The following TPST2 variants were observed in gnomAD, a reference collection of about 807,000 sequenced individuals.
TPST2 encodes tyrosylprotein sulfotransferase 2.
A neutral mutation model predicts 27.8 loss-of-function variants in TPST2; 16 were observed. The ratio of observed to expected loss-of-function variants is 0.58; its 90% CI spans 0.39 to 0.88. The LOEUF (loss-of-function observed/expected upper bound fraction) is 0.88. TPST2 is among the 40% of genes least tolerant of loss of function. TPST2 has a pLI of 0.00. For synonymous variants in TPST2, 229 were observed against 231.7 expected (o/e 0.99, Z 0.10); for missense variants, 464 against 543.1 (o/e 0.85, Z 1.45).
intron 1 of TPST2, among the ~76,000 whole-genome samples, chr22:26,580,851 G>T (rs577925373): frequency 6.6e-6 from 1 of 152,188 alleles, no homozygotes; most frequent in Non-Finnish European, 1.5e-5. Context: ...TCAGAGGGTG[G>T]GGAGGAAGAC....
At position 26,541,316 on chromosome 22, in the gene TPST2, G is replaced by A. The variant is rs146078388; in HGVS notation, c.315C>T (p.Arg105=). 479 of 1,545,432 alleles carry A rather than the reference G, an allele frequency of 3.1e-4. 1 individual carries two copies. Among genetic ancestry groups the A allele is most frequent in the Admixed American group, 7.7e-5 (4 of 52,010 alleles). Residue 105 remains arginine (R), a synonymous_variant, in exon 3 of 7, where the codon CGC becomes CGT. Transcript: ENST00000338754. This position sits in a 1 kb window ranked among gnomAD's most constrained non-coding sequence, Gnocchi z 5.9. ...RCGEETRIIP[R]VLAMRQAWSK... Reference sequence around the variant, plus strand: ...ACCAGGCCTGGCGCATGGCCAGCACGCGCGGGATGATGCGGGTCTCCTCGC... The same window carrying A: ...ACCAGGCCTGGCGCATGGCCAGCACACGCGGGATGATGCGGGTCTCCTCGC...
chr22:26,544,573 T>G, intron 2 of TPST2, 31 bp downstream of exon 2: 5 of 984,646 alleles, frequency 5.1e-6, no homozygotes, highest in Non-Finnish European at 6.0e-6. Context: ...GGGCCAGGAC[T>G]CCAGGGGAAG....
At chr22:26,585,209 C>G (rs1928296060) in intron 1 of TPST2, among the ~76,000 whole-genome samples, 1 of 152,222 alleles carries the variant, frequency 6.6e-6, no homozygotes, top group African/African-American at 2.4e-5. Flanking sequence ...TGCCTGCTTT[C>G]TGGCTGCAGA....
intron 1 of TPST2, among the ~76,000 whole-genome samples, chr22:26,580,205 GCTT>G (rs1928043316): frequency 1.3e-5 from 2 of 152,154 alleles, no homozygotes; most frequent in Admixed American, 1.3e-4. Flanking sequence ...CTGCACTCCA[GCTT>G]GGGCAACAGA....
intron 1 of TPST2, among the ~76,000 whole-genome samples, chr22:26,588,343 C>T (rs1028586051): frequency 2.6e-5 from 4 of 152,090 alleles, no homozygotes; most frequent in Non-Finnish European, 5.9e-5. Flanking sequence ...CAGGCAAATT[C>T]ATAGAGAATT....
chr22:26,588,536 T>C (rs1928428913), intron 1 of TPST2, among the ~76,000 whole-genome samples: 1 of 152,184 alleles, frequency 6.6e-6, no homozygotes, highest in Non-Finnish European at 1.5e-5. Context: ...TTGTACGGCA[T>C]GTGAACTGTA....
chr22:26,566,897 C>T (rs1927403692), intron 1 of TPST2, among the ~76,000 whole-genome samples: 1 of 152,214 alleles, frequency 6.6e-6, no homozygotes, highest in African/African-American at 2.4e-5. Flanking sequence ...GCACTATAGA[C>T]ATTTGGACCA....
chr22:26,549,010 A>G (rs1926293997), intron 1 of TPST2, among the ~76,000 whole-genome samples: 1 of 152,206 alleles, frequency 6.6e-6, no homozygotes, highest in African/African-American at 2.4e-5. Flanking sequence ...TCTAGTCCCA[A>G]GAATTTCAGA....
At chr22:26,552,021 C>G (rs1376574742) in intron 1 of TPST2, among the ~76,000 whole-genome samples, 1 of 151,142 alleles carries the variant, frequency 6.6e-6, no homozygotes, top group Non-Finnish European at 1.5e-5. Context: ...TCCCAAGTAG[C>G]TAGTGCACCA....
At position 26,575,982 on chromosome 22, in the gene TPST2, C is replaced by T. The variant is rs868825384; in HGVS notation, c.-161+14071G>A. Among the ~76,000 whole-genome samples the T allele has an allele frequency of 8.6e-5, 13 of 151,052 alleles. No individual in the cohort carries two copies. The South Asian group carries it at 2.1e-3, about 24-fold the overall frequency. The stretch of plus-strand genomic sequence containing the variant: ...CCGCACTCCAGCCTGGGTGACAGAG[C>T]GAGACTCCATCTCAAAATAAATAAA... On this transcript the variant is annotated intron_variant, in intron 1 of 6. Coordinates refer to ENST00000338754, the MANE Select transcript of TPST2 (RefSeq NM_003595.5).
rs745797442 is a variant in TPST2 at position 26,540,824 on chromosome 22, G to A, written c.807C>T (p.Asp269=). The change falls in exon 3 of 7, where the codon GAC becomes GAT. Residue 269 remains aspartate, a synonymous_variant. Coordinates refer to ENST00000338754, the MANE Select transcript of TPST2 (RefSeq NM_003595.5). ...AGACACCACCGGGCTTGCCAATGAG[G>A]TCTTCATGGTGGAGGACAGCGTCGC... is the stretch of plus-strand genomic sequence containing the variant. ...AWSDAVLHHE[D]LIGKPGGVSL... The A allele has an allele frequency of 9.9e-6, 16 of 1,609,296 alleles. No homozygotes were observed. The South Asian group carries it at 1.1e-4, about 11-fold the overall frequency.
intron 1 of TPST2, chr22:26,560,704 T>C (rs1927041266): frequency 2.7e-6 from 3 of 1,095,156 alleles, no homozygotes; most frequent in Non-Finnish European, 4.2e-6. Context: ...AAAGGAAAAT[T>C]TGAAGATATG....
At chr22:26,539,243 A>G (rs1245106805) in intron 3 of TPST2, among the ~76,000 whole-genome samples, 1 of 152,152 alleles carries the variant, frequency 6.6e-6, no homozygotes, top group African/African-American at 2.4e-5. Flanking sequence ...AGGACCAGCC[A>G]TGGGAAGGAC....
chr22:26,534,961 T>C (rs990343374), intron 4 of TPST2, among the ~76,000 whole-genome samples: 1 of 152,204 alleles, frequency 6.6e-6, no homozygotes, highest in Non-Finnish European at 1.5e-5. Flanking sequence ...TCTCTGAGTA[T>C]TTCCATAAAT....
chr22:26,526,448 C>T (rs1449626913), intron 6 of TPST2, among the ~76,000 whole-genome samples, 181 bp from the exon 7 acceptor site: 1 of 152,180 alleles, frequency 6.6e-6, no homozygotes, highest in Admixed American at 6.5e-5. Flanking sequence ...CTGGGTTCTT[C>T]CCCACATCTC....
At chr22:26,539,435 G>A (rs1925667150) in intron 3 of TPST2, among the ~76,000 whole-genome samples, 1 of 152,068 alleles carries the variant, frequency 6.6e-6, no homozygotes, top group African/African-American at 2.4e-5. Flanking sequence ...AAAGGATGAG[G>A]GGGAGTGAAG....
intron 1 of TPST2, among the ~76,000 whole-genome samples, chr22:26,563,711 T>C (rs933793425): frequency 6.6e-6 from 1 of 152,010 alleles, no homozygotes; most frequent in Admixed American, 6.6e-5. Flanking sequence ...CTGACAGACA[T>C]GTAAGCTGCT....
chr22:26,529,848 C>T (rs1054983527), intron 5 of TPST2, among the ~76,000 whole-genome samples: 1 of 151,820 alleles, frequency 6.6e-6, no homozygotes, highest in Non-Finnish European at 1.5e-5. Flanking sequence ...GATGGGGTCT[C>T]ACTGTGTTGG....
At chr22:26,582,499 T>C (rs996573665) in intron 1 of TPST2, among the ~76,000 whole-genome samples, 2 of 152,208 alleles carry the variant, frequency 1.3e-5, no homozygotes, top group East Asian at 1.9e-4. Flanking sequence ...GGGGATCATA[T>C]GCATGTTAAG....
Sources: gnomAD v4.1 joint callset for allele counts (sites outside exome capture counted in the v4.1 genomes callset) on GRCh38, gnomAD v4.1.1 for gene constraint, Gnocchi (gnomAD v3.1) non-coding constraint, MANE v1.5 for transcripts, NCBI Gene and HGNC (gene_info 2026-07-23, HGNC 2026-07-21) for gene names.